CTNNA3: variants seen among roughly 807,000 people sequenced by gnomAD.
CTNNA3 encodes catenin alpha-3.
A neutral mutation model predicts 95.7 loss-of-function variants in CTNNA3; 76 were observed. The observed-to-expected ratio is 0.79, with a 90% CI of 0.66 to 0.96. CTNNA3 has a LOEUF of 0.96. CTNNA3 is among the 40% of genes least tolerant of loss of function. The probability of loss-of-function intolerance (pLI) is 0.00; values close to 1 mark genes in which losing one functional copy is unlikely to be tolerated. For missense variants in CTNNA3, 1,191 were observed against 1,089.8 expected (o/e 1.09, Z -1.31); for synonymous variants, 431 against 374.4 (o/e 1.15, Z -1.74).
At chr10:67,508,879 ATTT>A (rs200576825) in intron 5 of CTNNA3, among the ~76,000 whole-genome samples, 1 of 147,236 alleles carries the variant, frequency 6.8e-6, no homozygotes, top group Admixed American at 6.8e-5. Flanking sequence ...CTAAATAGAC[ATTT>A]TTTTTTTTTT....
chr10:66,082,520 A>G (rs2080804727), intron 14 of CTNNA3, among the ~76,000 whole-genome samples: 1 of 152,172 alleles, frequency 6.6e-6, no homozygotes, highest in Non-Finnish European at 1.5e-5. Context: ...GAATCCTAGA[A>G]CAGAAAAAGA....
intron 13 of CTNNA3, among the ~76,000 whole-genome samples, chr10:66,183,962 A>G (rs1410476587): frequency 2.0e-5 from 3 of 152,080 alleles, no homozygotes; most frequent in Non-Finnish European, 4.4e-5. Flanking sequence ...CTCTTTATCA[A>G]TTATATGTTG....
chr10:66,446,614 A>G (rs2093423760), intron 11 of CTNNA3, among the ~76,000 whole-genome samples: 1 of 152,108 alleles, frequency 6.6e-6, no homozygotes, highest in Non-Finnish European at 1.5e-5. Context: ...GCCTTTGACA[A>G]AATCCAAAAA....
intron 5 of CTNNA3, among the ~76,000 whole-genome samples, chr10:67,445,070 G>A (rs1057226901): frequency 6.6e-5 from 10 of 151,114 alleles, no homozygotes; most frequent in Non-Finnish European, 1.5e-5. Context: ...AATAAAGGAG[G>A]GAGTACTTCC....
intron 5 of CTNNA3, among the ~76,000 whole-genome samples, chr10:67,519,170 C>T (rs1012728914): frequency 6.6e-6 from 1 of 152,044 alleles, no homozygotes; most frequent in Non-Finnish European, 1.5e-5. Context: ...ACAGTAACCT[C>T]AGAAAAACAG....
chr10:66,430,887 G>A (rs550569966), intron 11 of CTNNA3, among the ~76,000 whole-genome samples: 1 of 152,122 alleles, frequency 6.6e-6, no homozygotes, highest in Non-Finnish European at 1.5e-5. Flanking sequence ...GGCAACAAGA[G>A]CCAAAATTGA....
At chr10:65,951,282 G>T (rs935311322) in intron 17 of CTNNA3, among the ~76,000 whole-genome samples, 1 of 152,098 alleles carries the variant, frequency 6.6e-6, no homozygotes, top group Non-Finnish European at 1.5e-5. Context: ...AAACAAAGAA[G>T]AATAAGATCA....
intron 7 of CTNNA3, among the ~76,000 whole-genome samples, chr10:66,845,731 T>TAAAAAAAAAAAAAAAA (rs1304034179): frequency 2.5e-4 from 9 of 35,888 alleles, no homozygotes; most frequent in Middle Eastern, 0.02. Context: ...AAAAAAAAAC[T>TAAAAAAAAAAAAAAAA]AAAAAGGTGA....
intron 13 of CTNNA3, among the ~76,000 whole-genome samples, chr10:66,195,987 G>A (rs1174466814): frequency 1.3e-5 from 2 of 152,018 alleles, no homozygotes; most frequent in Admixed American, 6.6e-5. Flanking sequence ...AAAGCAATTG[G>A]ATGTTCTTAG....
At chr10:67,009,267 T>C (rs1483874864) in intron 7 of CTNNA3, among the ~76,000 whole-genome samples, 3 of 152,126 alleles carry the variant, frequency 2.0e-5, no homozygotes, top group Admixed American at 2.0e-4. Flanking sequence ...CTTTTCCACA[T>C]CTTTCATCTT....
At chr10:67,176,457 C>T (rs1376184878) in intron 7 of CTNNA3, among the ~76,000 whole-genome samples, 1 of 152,122 alleles carries the variant, frequency 6.6e-6, no homozygotes, top group Non-Finnish European at 1.5e-5. Context: ...ATGTGATCTG[C>T]CTGCACAGAG....
chr10:66,012,868 T>C (rs942356660), intron 15 of CTNNA3, among the ~76,000 whole-genome samples: 4 of 152,222 alleles, frequency 2.6e-5, no homozygotes, highest in African/African-American at 9.6e-5. Context: ...ATTCCTCAAA[T>C]TGGTCCTAGA....
chr10:66,170,433 T>C (rs2085359018), intron 13 of CTNNA3, among the ~76,000 whole-genome samples: 1 of 151,978 alleles, frequency 6.6e-6, no homozygotes, highest in Non-Finnish European at 1.5e-5. Flanking sequence ...TCTTTTAGAA[T>C]TTTCTTGAAT....
chr10:67,212,822 T>C (rs576698998), intron 6 of CTNNA3, among the ~76,000 whole-genome samples: 20 of 152,042 alleles, frequency 1.3e-4, no homozygotes, highest in Non-Finnish European at 2.4e-4. Context: ...CTTTTTTATC[T>C]AGTGCTAAAC....
At chr10:67,191,167 AAC>A (rs968297089) in intron 6 of CTNNA3, among the ~76,000 whole-genome samples, 19 of 152,142 alleles carry the variant, frequency 1.2e-4, no homozygotes, top group African/African-American at 4.3e-4. Flanking sequence ...CACTTTGAAA[AAC>A]AGTTTGGCGG....
intron 13 of CTNNA3, among the ~76,000 whole-genome samples, chr10:66,145,793 A>C (rs760619162): frequency 6.6e-6 from 1 of 152,150 alleles, no homozygotes; most frequent in Non-Finnish European, 1.5e-5. Context: ...ATACACATAG[A>C]GATGCAGAAT....
intron 11 of CTNNA3, among the ~76,000 whole-genome samples, chr10:66,433,311 T>C (rs4489634): frequency 0.26 from 40,241 of 152,068 alleles, 5,482 homozygotes; most frequent in South Asian, 0.39. Context: ...CCACCGTCTG[T>C]TGTTTCCTGA....
intron 3 of CTNNA3, among the ~76,000 whole-genome samples, chr10:67,575,475 A>T (rs1388263831): frequency 1.3e-5 from 2 of 152,144 alleles, no homozygotes; most frequent in Non-Finnish European, 2.9e-5. Context: ...TCCTCAAATT[A>T]TGTTGTGAAA....
At position 66,505,579 on chromosome 10, in the gene CTNNA3, T is replaced by C. The variant is rs10997205; in HGVS notation, c.1531+15038A>G. ...TGGCCTGTCCTGACAAGGAAGAGCT[T>C]CTTTTCTCGGTAAATGGAAACCTAG... On this transcript the variant is annotated intron_variant, in intron 11 of 17. Coordinates refer to ENST00000433211, the MANE Select transcript of CTNNA3 (RefSeq NM_013266.4). Among the ~76,000 whole-genome samples, 2,029 of 152,246 alleles carry C rather than the reference T, an allele frequency of 0.013. 186 individuals carry two copies. In the East Asian group the frequency reaches 0.23, roughly 18 times the overall value.
Sources: allele counts gnomAD v4.1 joint callset (sites outside exome capture counted in the v4.1 genomes callset), GRCh38; gene constraint gnomAD v4.1.1; transcripts MANE v1.5; gene names NCBI Gene and HGNC (gene_info 2026-07-23, HGNC 2026-07-21).